The following TSPAN8 variants were observed in gnomAD, a reference collection of about 807,000 sequenced individuals.
TSPAN8 encodes the protein tetraspanin-8.
A neutral mutation model predicts 32.8 loss-of-function variants in TSPAN8; 21 were observed. The ratio of observed to expected loss-of-function variants is 0.64; its 90% CI spans 0.45 to 0.92. TSPAN8 has a LOEUF of 0.92. Among genes scored for constraint, TSPAN8 ranks in the 40% least tolerant of loss-of-function variants. The probability of loss-of-function intolerance (pLI) is 0.00; values close to 1 mark genes in which losing one functional copy is unlikely to be tolerated. For synonymous variants in TSPAN8, 95 were observed against 94.6 expected, an observed-to-expected ratio of 1.00 and a Z score of -0.03; for missense variants, 269 against 281.9, an observed-to-expected ratio of 0.95 and a Z score of 0.33.
chr12:71,152,623 A>G (rs1319737978), intron 2 of TSPAN8, among the ~76,000 whole-genome samples: 3 of 152,160 alleles, frequency 2.0e-5, no homozygotes, highest in African/African-American at 7.2e-5. Flanking sequence ...GAAGGAGCTG[A>G]TGTTTATCCT....
chr12:71,137,885 G>T, intron 6 of TSPAN8, 68 bp downstream of exon 6: 1 of 1,430,696 alleles, frequency 7.0e-7, no homozygotes, highest in South Asian at 1.3e-5. Flanking sequence ...TAAGGAAGAT[G>T]TTAAAAACTA....
chr12:71,152,159 T>C (rs1872275253), intron 2 of TSPAN8, among the ~76,000 whole-genome samples: 1 of 152,214 alleles, frequency 6.6e-6, no homozygotes, highest in Admixed American at 6.5e-5. Context: ...GTGATCATTT[T>C]TATTTTACAA....
At chr12:71,134,159 T>C (rs1016686934) in intron 6 of TSPAN8, among the ~76,000 whole-genome samples, 1 of 152,184 alleles carries the variant, frequency 6.6e-6, no homozygotes, top group Non-Finnish European at 1.5e-5. Flanking sequence ...AGATTTATCA[T>C]AAAGATAAAC....
At chr12:71,141,191 T>TA (rs1871892219) in intron 3 of TSPAN8, among the ~76,000 whole-genome samples, 1 of 152,232 alleles carries the variant, frequency 6.6e-6, no homozygotes, top group South Asian at 2.1e-4. Context: ...ACCTCTGTGA[T>TA]AGCCAAGGCC....
At chr12:71,156,540 T>C (rs1872450803) in intron 2 of TSPAN8, among the ~76,000 whole-genome samples, 1 of 152,128 alleles carries the variant, frequency 6.6e-6, no homozygotes, top group Non-Finnish European at 1.5e-5. Flanking sequence ...AAGTCACCAA[T>C]ATATCCATTT....
At chr12:71,129,224 T>G in intron 8 of TSPAN8, 107 bp downstream of exon 8, 1 of 1,223,584 alleles carries the variant, frequency 8.2e-7, no homozygotes. Flanking sequence ...TTTTTTATGG[T>G]TGTTGTGGTT....
chr12:71,144,785 T>C (rs1393739316), intron 2 of TSPAN8, among the ~76,000 whole-genome samples: 2 of 152,106 alleles, frequency 1.3e-5, no homozygotes, highest in African/African-American at 4.8e-5. Flanking sequence ...AAAAACAAGC[T>C]CTTTTAGGTG....
chr12:71,151,889 T>A (rs1295108173), intron 2 of TSPAN8, among the ~76,000 whole-genome samples: 1 of 152,206 alleles, frequency 6.6e-6, no homozygotes, highest in East Asian at 1.9e-4. Context: ...GGCTGACATA[T>A]CCCTCTACTC....
intron 6 of TSPAN8, 121 bp from the exon 7 acceptor site, chr12:71,132,945 G>T: frequency 8.6e-7 from 1 of 1,163,378 alleles, no homozygotes; most frequent in Non-Finnish European, 1.2e-6. Context: ...TACCATGTAA[G>T]TCACCTTTCA....
At chr12:71,145,030 G>A (rs1872029841) in intron 2 of TSPAN8, among the ~76,000 whole-genome samples, 1 of 151,990 alleles carries the variant, frequency 6.6e-6, no homozygotes, top group Non-Finnish European at 1.5e-5. Flanking sequence ...GATGTTAAGA[G>A]CTGTGTCTGG....
chr12:71,129,439 A>G (rs1278363673), intron 7 of TSPAN8, 25 bp from the exon 8 acceptor site: 2 of 1,545,250 alleles, frequency 1.3e-6, no homozygotes, highest in Non-Finnish European at 1.7e-6. Flanking sequence ...AAACATTAAA[A>G]GTTACCTCTC....
chr12:71,125,576 G>A (rs1356652708), intron 8 of TSPAN8, among the ~76,000 whole-genome samples, 189 bp from the exon 9 acceptor site: 1 of 151,956 alleles, frequency 6.6e-6, no homozygotes, highest in Non-Finnish European at 1.5e-5. Flanking sequence ...GCTCTCTTGA[G>A]TTTTTTTTGT....
At chr12:71,126,074 T>C (rs1049123718) in intron 8 of TSPAN8, among the ~76,000 whole-genome samples, 1 of 152,214 alleles carries the variant, frequency 6.6e-6, no homozygotes, top group East Asian at 1.9e-4. Flanking sequence ...ATCTTTGACG[T>C]AGAAATGATA....
chr12:71,134,975 T>C (rs779446607), intron 6 of TSPAN8, among the ~76,000 whole-genome samples: 1 of 152,048 alleles, frequency 6.6e-6, no homozygotes, highest in Non-Finnish European at 1.5e-5. Flanking sequence ...TCTAGACAAA[T>C]AATAATGAGC....
chr12:71,138,472 T>C (rs1871786770), intron 4 of TSPAN8, among the ~76,000 whole-genome samples: 1 of 152,148 alleles, frequency 6.6e-6, no homozygotes, highest in Non-Finnish European at 1.5e-5. Context: ...AAAACAACCA[T>C]TGATATCTGT....
At chr12:71,140,246 G>C (rs945543564) in intron 3 of TSPAN8, among the ~76,000 whole-genome samples, 1 of 152,060 alleles carries the variant, frequency 6.6e-6, no homozygotes, top group African/African-American at 2.4e-5. Flanking sequence ...TTAAACTATT[G>C]ATAGACACAA....
intron 4 of TSPAN8, chr12:71,139,101 T>A (rs1442679469): frequency 2.3e-6 from 1 of 444,342 alleles, no homozygotes; most frequent in Non-Finnish European, 4.5e-6. Flanking sequence ...TCATTTAAAC[T>A]TTTTTTTTAG....
At chr12:71,153,936 A>C (rs573412851) in intron 2 of TSPAN8, among the ~76,000 whole-genome samples, 22 of 152,320 alleles carry the variant, frequency 1.4e-4, no homozygotes, top group African/African-American at 4.8e-4. Context: ...TTAGTTAGAA[A>C]GATCTAACTG....
Position 71,157,675 on chromosome 12 carries a change from C to T in TSPAN8, c.4G>A (p.Ala2Thr). The change falls in exon 2 of 9, where the codon GCA (alanine) becomes ACA (threonine). Residue 2 changes from alanine to threonine, a missense_variant. Physicochemically the swap from Ala to Thr is moderately conservative, Grantham distance 58. Coordinates refer to ENST00000247829, the MANE Select transcript of TSPAN8 (RefSeq NM_004616.3). Reference sequence around the variant, plus strand: ...TATTTTATACAGGCACTCACACCTGCCATTTCGGAAAAGGATTAGGAATCC... The same window carrying T: ...TATTTTATACAGGCACTCACACCTGTCATTTCGGAAAAGGATTAGGAATCC... MAGVSACIKYSM... is the reference protein window; with the variant it reads MTGVSACIKYSM... The T allele has an allele frequency of 1.2e-6, 2 of 1,613,156 alleles. No individual in the cohort carries two copies. Among genetic ancestry groups the T allele is most frequent in the Non-Finnish European group, 1.7e-6 (2 of 1,179,222 alleles).
Sources: allele counts gnomAD v4.1 joint callset (sites outside exome capture counted in the v4.1 genomes callset), GRCh38; gene constraint gnomAD v4.1.1; transcripts MANE v1.5; gene names NCBI Gene and HGNC (gene_info 2026-07-23, HGNC 2026-07-21).